Variants in BICC1 observed in about 807,000 individuals in gnomAD.
BICC1 encodes BicC family RNA binding protein 1.
Under a neutral mutation model 111.0 loss-of-function variants are expected in BICC1, and 43 were observed. That is an observed-to-expected ratio of 0.39 (90% confidence interval 0.30 to 0.50). BICC1 has a LOEUF of 0.50. Among genes scored for constraint, BICC1 ranks in the 20% least tolerant of loss-of-function variants. The pLI, the probability that BICC1 is intolerant of heterozygous loss-of-function variation, is 0.88. For synonymous variants in BICC1, 467 were observed against 434.4 expected (o/e 1.07, Z -0.93); for missense variants, 1,091 against 1,203.2 (o/e 0.91, Z 1.38).
chr10:58,637,231 G>A (rs1480117236), intron 2 of BICC1, among the ~76,000 whole-genome samples: 2 of 151,982 alleles, frequency 1.3e-5, no homozygotes, highest in African/African-American at 4.8e-5. Context: ...CTTTTGAGGT[G>A]GTGGTTAAGT....
At chr10:58,606,108 C>CTT (rs1454153001) in intron 1 of BICC1, among the ~76,000 whole-genome samples, 1 of 151,990 alleles carries the variant, frequency 6.6e-6, no homozygotes, top group African/African-American at 2.4e-5. Flanking sequence ...CTGCTTCATC[C>CTT]TTTACTATTT....
At chr10:58,547,498 C>T (rs1043324816) in intron 1 of BICC1, among the ~76,000 whole-genome samples, 1 of 152,074 alleles carries the variant, frequency 6.6e-6, no homozygotes, top group African/African-American at 2.4e-5. Context: ...GATCACCTGG[C>T]TGAGGTGGTA....
Position 58,586,498 on chromosome 10 carries a change from G to A in BICC1, c.191-34357G>A, listed in dbSNP as rs1246347153. ...TTCCTGTAATACCAGCTACTCGGGT[G>A]GCTGAGGCACGAGAATCACTTGAAC... On this transcript the variant is annotated intron_variant, in intron 1 of 20. Coordinates refer to ENST00000373886, the MANE Select transcript of BICC1 (RefSeq NM_001080512.3). Among the ~76,000 whole-genome samples, 3 of 151,650 alleles carry A rather than the reference G, an allele frequency of 2.0e-5. No homozygotes were observed. The East Asian group carries it at 5.8e-4, about 29-fold the overall frequency.
chr10:58,660,108 G>A (rs74148967), intron 2 of BICC1, among the ~76,000 whole-genome samples: 290 of 152,272 alleles, frequency 1.9e-3, no homozygotes, highest in African/African-American at 6.7e-3. Context: ...GGGTCTAGGG[G>A]CCCTTTGCTC....
chr10:58,535,556 A>G (rs1658467), intron 1 of BICC1, among the ~76,000 whole-genome samples: 69,708 of 151,628 alleles, frequency 0.46, 17,081 homozygotes, highest in Admixed American at 0.62. Context: ...TACTAGACCA[A>G]TGTTACAAGA....
intron 1 of BICC1, among the ~76,000 whole-genome samples, chr10:58,566,645 C>T (rs574575645): frequency 7.2e-5 from 11 of 152,100 alleles, no homozygotes; most frequent in South Asian, 4.2e-4. Context: ...CTCTTTTCAC[C>T]GTATCCCCAT....
intron 4 of BICC1, among the ~76,000 whole-genome samples, chr10:58,785,859 T>A (rs1303619497): frequency 2.0e-5 from 3 of 152,204 alleles, no homozygotes; most frequent in African/African-American, 4.8e-5. Flanking sequence ...TCTTGCCACC[T>A]GGCATTTCAT....
At position 58,651,833 on chromosome 10, in the gene BICC1, T is replaced by C. The variant is rs548220232; in HGVS notation, c.237+30932T>C. ...TGGATGACTGAAATCATAACTTTTC[T>C]AGAAATCTTGAGATCTTGTTGTAAG... On this transcript the variant is annotated intron_variant, in intron 2 of 20. Transcript: ENST00000373886. 2.4e-3 allele frequency among the ~76,000 whole-genome samples: 363 copies of C among 152,324 alleles called. 1 individual carries two copies. Among genetic ancestry groups the C allele is most frequent in the Non-Finnish European group, 3.6e-3 (246 of 68,026 alleles).
At chr10:58,588,223 C>A (rs1270455545) in intron 1 of BICC1, among the ~76,000 whole-genome samples, 1 of 152,132 alleles carries the variant, frequency 6.6e-6, no homozygotes, top group African/African-American at 2.4e-5. Flanking sequence ...AGGGACAAGG[C>A]CTTTTCTGAA....
At chr10:58,607,043 G>A (rs752811906) in intron 1 of BICC1, among the ~76,000 whole-genome samples, 16 of 152,048 alleles carry the variant, frequency 1.1e-4, no homozygotes, top group African/African-American at 2.7e-4. Context: ...TCGGCCTGGC[G>A]CGGTGTCTCA....
intron 1 of BICC1, among the ~76,000 whole-genome samples, chr10:58,541,329 CT>C (rs1842975206): frequency 6.6e-6 from 1 of 152,020 alleles, no homozygotes; most frequent in Non-Finnish European, 1.5e-5. Flanking sequence ...CATAAAACTG[CT>C]AGAACTAATA....
intron 2 of BICC1, among the ~76,000 whole-genome samples, chr10:58,630,643 G>A (rs1285531511): frequency 1.3e-5 from 2 of 152,102 alleles, no homozygotes; most frequent in Non-Finnish European, 2.9e-5. Context: ...TTCTCCTGAT[G>A]TAGTTGGGAA....
chr10:58,580,832 G>A (rs1844260759), intron 1 of BICC1, among the ~76,000 whole-genome samples: 1 of 152,046 alleles, frequency 6.6e-6, no homozygotes, highest in South Asian at 2.1e-4. Context: ...AGGAGCTAGT[G>A]GTTTTTAAAG....
At chr10:58,611,237 CTATTTAAAGG>C (rs1292561640) in intron 1 of BICC1, among the ~76,000 whole-genome samples, 2 of 152,090 alleles carry the variant, frequency 1.3e-5, no homozygotes, top group African/African-American at 4.8e-5. Flanking sequence ...GCAATTCAAG[CTATTTAAAGG>C]TATGCTGAAA....
At chr10:58,533,816 C>G (rs181205066) in intron 1 of BICC1, among the ~76,000 whole-genome samples, 1 of 151,806 alleles carries the variant, frequency 6.6e-6, no homozygotes, top group African/African-American at 2.4e-5. Context: ...AAGCATGTCA[C>G]TACAGAAGAA....
At chr10:58,557,327 G>A (rs1649058) in intron 1 of BICC1, among the ~76,000 whole-genome samples, 69,061 of 150,344 alleles carry the variant, frequency 0.46, 16,911 homozygotes, top group Admixed American at 0.62. Flanking sequence ...AAGCAATTTA[G>A]TGATATATGA....
At chr10:58,804,513 G>C (rs538976853) in intron 15 of BICC1, among the ~76,000 whole-genome samples, 18 of 152,038 alleles carry the variant, frequency 1.2e-4, no homozygotes, top group Non-Finnish European at 2.6e-4. Flanking sequence ...GCGAGACCCT[G>C]TCTCAAAAAT....
chr10:58,711,610 A>G lies in BICC1; in HGVS notation c.307+9467A>G, dbSNP rs577946073. On this transcript the variant is annotated intron_variant, in intron 3 of 20. Transcript: ENST00000373886. Reference sequence around the variant, plus strand: ...AGCTTGGGTTCATTTCTTGATCTCCAGCTAGTTCCGCCTTCTTCTCTTCTG... The same window carrying G: ...AGCTTGGGTTCATTTCTTGATCTCCGGCTAGTTCCGCCTTCTTCTCTTCTG... Among the ~76,000 whole-genome samples, 3 of 152,250 alleles carry G rather than the reference A, an allele frequency of 2.0e-5. No homozygotes were observed. In the South Asian group the frequency reaches 6.2e-4, roughly 32 times the overall value.
At chr10:58,578,729 T>C (rs919925535) in intron 1 of BICC1, among the ~76,000 whole-genome samples, 1 of 152,148 alleles carries the variant, frequency 6.6e-6, no homozygotes, top group Admixed American at 6.5e-5. Context: ...AGGATCTCGT[T>C]ACCCTATCCC....
Sources: gnomAD v4.1 joint callset for allele counts (sites outside exome capture counted in the v4.1 genomes callset) on GRCh38, gnomAD v4.1.1 for gene constraint, MANE v1.5 for transcripts, NCBI Gene and HGNC (gene_info 2026-07-23, HGNC 2026-07-21) for gene names.